Variants in ABCB7 observed in about 807,000 individuals in gnomAD.
ABCB7 encodes ATP binding cassette subfamily B member 7.
A neutral mutation model predicts 54.4 loss-of-function variants in ABCB7; 7 were observed. That is an observed-to-expected ratio of 0.13 (90% CI 0.07 to 0.24). The LOEUF is 0.24. Among genes scored for constraint, ABCB7 ranks in the 10% least tolerant of loss-of-function variants. The pLI is 1.00. For synonymous variants in ABCB7, 218 were observed against 207.1 expected (o/e 1.05, Z -0.45); for missense variants, 356 against 570.4 (o/e 0.62, Z 3.83).
intron 3 of ABCB7, among the ~76,000 whole-genome samples, chrX:75,100,264 G>A (rs1432614130): frequency 9.1e-6 from 1 of 110,336 alleles, no homozygotes; most frequent in East Asian, 2.8e-4. Context: ...TATCTAGTAA[G>A]TTCACCCTGC....
chrX:75,137,965 C>T (rs188566856), intron 1 of ABCB7, among the ~76,000 whole-genome samples: 1 of 110,814 alleles, frequency 9.0e-6, no homozygotes, highest in Non-Finnish European at 1.9e-5. Context: ...TACACTAATC[C>T]CCTATGGCAT....
At chrX:75,134,855 A>AT (rs1485291235) in intron 1 of ABCB7, among the ~76,000 whole-genome samples, 2 of 111,659 alleles carry the variant, frequency 1.8e-5, no homozygotes, top group Non-Finnish European at 3.8e-5. Flanking sequence ...AGAGTGCTAA[A>AT]TGCCCACATC....
chrX:75,059,204 G>A (rs1327352232), intron 15 of ABCB7, among the ~76,000 whole-genome samples: 1 of 111,107 alleles, frequency 9.0e-6, no homozygotes, highest in Non-Finnish European at 1.9e-5. Flanking sequence ...GACCAGGTGT[G>A]ATGGTTCACG....
intron 1 of ABCB7, among the ~76,000 whole-genome samples, chrX:75,126,992 G>A (rs2081936777): frequency 9.0e-6 from 1 of 111,385 alleles, no homozygotes; most frequent in African/African-American, 3.3e-5. Flanking sequence ...AAGAGGAACT[G>A]GTACCACTGC....
intron 1 of ABCB7, among the ~76,000 whole-genome samples, chrX:75,155,172 T>G (rs1020817473): frequency 4.4e-5 from 5 of 113,201 alleles, no homozygotes; most frequent in Admixed American, 1.9e-4. Flanking sequence ...AAGGCATAAC[T>G]GTATGTCTCT....
At chrX:75,122,327 G>C (rs182207630) in intron 1 of ABCB7, among the ~76,000 whole-genome samples, 1 of 110,968 alleles carries the variant, frequency 9.0e-6, no homozygotes, top group African/African-American at 3.3e-5. Flanking sequence ...TGGCAACATC[G>C]GGAAGTTACC....
At chrX:75,099,996 T>C (rs1213302039) in intron 3 of ABCB7, among the ~76,000 whole-genome samples, 1 of 111,157 alleles carries the variant, frequency 9.0e-6, no homozygotes, top group Non-Finnish European at 1.9e-5. Context: ...AAATAATCTT[T>C]CTGGAGAGCA....
intron 1 of ABCB7, among the ~76,000 whole-genome samples, chrX:75,120,534 G>T (rs1335119122): frequency 9.0e-6 from 1 of 110,637 alleles, no homozygotes; most frequent in African/African-American, 3.3e-5. Context: ...ACTTGAACCT[G>T]GGAGGTGGAG....
intron 4 of ABCB7, among the ~76,000 whole-genome samples, chrX:75,097,126 T>G (rs1454716013): frequency 8.9e-6 from 1 of 111,760 alleles, no homozygotes; most frequent in Non-Finnish European, 1.9e-5. Context: ...CATAATTAAA[T>G]ACATTTTTCT....
At chrX:75,139,092 A>T (rs2082036781) in intron 1 of ABCB7, among the ~76,000 whole-genome samples, 1 of 109,910 alleles carries the variant, frequency 9.1e-6, no homozygotes, top group Non-Finnish European at 1.9e-5. Context: ...ATTCTGATGC[A>T]GCTAGCTCAG....
intron 4 of ABCB7, among the ~76,000 whole-genome samples, chrX:75,078,400 T>C (rs1263905134): frequency 1.8e-5 from 2 of 111,892 alleles, no homozygotes; most frequent in Admixed American, 9.5e-5. Flanking sequence ...TATATATGCA[T>C]GGATATATTT....
At chrX:75,075,946 T>TTATC (rs1229346229) in intron 5 of ABCB7, among the ~76,000 whole-genome samples, 1 of 111,524 alleles carries the variant, frequency 9.0e-6, no homozygotes, top group African/African-American at 3.3e-5. Context: ...GAGGTTTTTT[T>TTATC]TATCTAATTT....
chrX:75,069,761 C>T (rs1369017993), intron 10 of ABCB7, among the ~76,000 whole-genome samples: 2 of 111,126 alleles, frequency 1.8e-5, no homozygotes, highest in Non-Finnish European at 3.8e-5. Context: ...ATCATATATT[C>T]CATGTCATTA....
chrX:75,062,608 T>G, intron 13 of ABCB7, 177 bp from the exon 14 acceptor site: 1 of 446,418 alleles, frequency 2.2e-6, no homozygotes, highest in Non-Finnish European at 4.0e-6. Context: ...TTTGACAAAT[T>G]ATATTCCCTG....
chrX:75,066,461 G>A (rs1243941458), intron 12 of ABCB7, among the ~76,000 whole-genome samples: 1 of 110,975 alleles, frequency 9.0e-6, no homozygotes, highest in Admixed American at 9.6e-5. Flanking sequence ...TGTGCTAGAT[G>A]GAAATTTTGA....
At chrX:75,151,045 T>C (rs931671298) in intron 1 of ABCB7, among the ~76,000 whole-genome samples, 13 of 110,828 alleles carry the variant, frequency 1.2e-4, no homozygotes, top group African/African-American at 3.6e-4. Context: ...TCCCCTGAAA[T>C]TGCATGCAAA....
chrX:75,051,613 A>C lies in ABCB7; in HGVS notation c.*1757T>G, dbSNP rs913184483. On this transcript the variant is annotated 3_prime_UTR_variant, in exon 16 of 16. Coordinates refer to ENST00000373394, the MANE Select transcript of ABCB7 (RefSeq NM_001271696.3). ...AGCAGGTAAAACTTTTTTTCCTCCC[A>C]AGGTAAAACTTGATTATGTTGTTTG... 1 of 112,075 alleles carries C rather than the reference A, an allele frequency of 8.9e-6. No homozygotes were observed. Among genetic ancestry groups the C allele is most frequent in the African/African-American group, 3.2e-5 (1 of 30,906 alleles). 9.2% of individuals were successfully genotyped at this position (112,075 alleles called of 1,213,427 possible). A position where few individuals can be genotyped will look rare whatever the true frequency, so the allele number is the denominator to read the frequency against.
intron 1 of ABCB7, among the ~76,000 whole-genome samples, chrX:75,147,629 T>C (rs761234218): frequency 9.0e-6 from 1 of 111,260 alleles, no homozygotes; most frequent in South Asian, 3.8e-4. Context: ...TGAGAACACA[T>C]AGACACATAC....
At chrX:75,124,668 T>C (rs1475260909) in intron 1 of ABCB7, among the ~76,000 whole-genome samples, 5 of 111,871 alleles carry the variant, frequency 4.5e-5, no homozygotes, top group African/African-American at 1.3e-4. Context: ...CTTTATCATA[T>C]TAAGAGTGAA....
Sources: gnomAD v4.1 joint callset for allele counts (sites outside exome capture counted in the v4.1 genomes callset) on GRCh38, gnomAD v4.1.1 for gene constraint, MANE v1.5 for transcripts, NCBI Gene and HGNC (gene_info 2026-07-23, HGNC 2026-07-21) for gene names.